The following TRPC6 variants were observed in gnomAD, a reference collection of about 807,000 sequenced individuals.
The protein encoded by TRPC6 is short transient receptor potential channel 6.
In TRPC6, 55 loss-of-function variants were observed where a neutral mutation model predicts 90.7. That is an observed-to-expected ratio of 0.61 (90% CI 0.49 to 0.76). The LOEUF (loss-of-function observed/expected upper bound fraction) is 0.76. Ranked by LOEUF, TRPC6 falls within the 30% of genes least tolerant of loss-of-function variation. TRPC6 has a pLI of 0.00. For missense variants in TRPC6, 989 were observed against 1,122.7 expected (o/e 0.88, Z 1.70); for synonymous variants, 393 against 393.0 (o/e 1.00, Z 0.00).
In TRPC6 at chr11:101,482,800, G is replaced by A. The variant is rs111504486; in HGVS notation, c.1510+149C>T. On this transcript the variant is annotated intron_variant, in intron 5 of 12. Transcript: ENST00000344327. ...CACTGATAATGAACCCAAGGCAACT[G>A]TACTTTAGGAACACAAAGAAAATTA... 6,464 of 843,260 alleles carry A rather than the reference G, an allele frequency of 7.7e-3. 40 individuals carry two copies. The highest frequency in any genetic ancestry group is 9.6e-3 in the Non-Finnish European group (4,998 of 520,602). The allele number at this position is 843,260 out of a possible 1,614,324, so 52.2% of individuals were successfully genotyped here. A position where few individuals can be genotyped will look rare whatever the true frequency, so the allele number is the denominator to read the frequency against.
intron 10 of TRPC6, among the ~76,000 whole-genome samples, chr11:101,460,351 C>T (rs1009999243): frequency 6.6e-6 from 1 of 152,142 alleles, no homozygotes; most frequent in Non-Finnish European, 1.5e-5. Context: ...CTCATAGCCA[C>T]TGGTATAACT....
chr11:101,494,552 G>T (rs1859899755), intron 2 of TRPC6, among the ~76,000 whole-genome samples: 1 of 152,114 alleles, frequency 6.6e-6, no homozygotes, highest in Non-Finnish European at 1.5e-5. Context: ...CTTGAATGTA[G>T]AGTTCAAGTA....
At chr11:101,478,519 A>G (rs1859467527) in intron 5 of TRPC6, among the ~76,000 whole-genome samples, 1 of 151,970 alleles carries the variant, frequency 6.6e-6, no homozygotes. Context: ...CTCTTTAAGA[A>G]ATAAATAGAA....
intron 2 of TRPC6, among the ~76,000 whole-genome samples, chr11:101,493,375 G>A (rs939180420): frequency 3.9e-5 from 6 of 152,134 alleles, no homozygotes; most frequent in Non-Finnish European, 7.4e-5. Flanking sequence ...GGTGTGGGTT[G>A]GACAAGCTTG....
chr11:101,490,731 C>T (rs930298129), intron 3 of TRPC6, among the ~76,000 whole-genome samples: 3 of 152,232 alleles, frequency 2.0e-5, no homozygotes, highest in Non-Finnish European at 4.4e-5. Flanking sequence ...GCTGGGATTA[C>T]AGGCATGAGC....
intron 9 of TRPC6, 53 bp downstream of exon 9, chr11:101,471,130 T>C: frequency 6.4e-7 from 1 of 1,572,632 alleles, no homozygotes; most frequent in South Asian, 1.1e-5. Flanking sequence ...GCATAGTGGT[T>C]ACAGTAGTCA....
At chr11:101,566,131 T>C (rs926001507) in intron 1 of TRPC6, among the ~76,000 whole-genome samples, 5 of 152,222 alleles carry the variant, frequency 3.3e-5, no homozygotes, top group African/African-American at 4.8e-5. Flanking sequence ...CTGAAAATGA[T>C]TGACCTCATT....
At chr11:101,501,923 A>G (rs1033944343) in intron 2 of TRPC6, among the ~76,000 whole-genome samples, 27 of 152,212 alleles carry the variant, frequency 1.8e-4, no homozygotes, top group African/African-American at 5.5e-4. Context: ...TTAGTAACAT[A>G]CTCCTAAATA....
chr11:101,577,603 G>C (rs1862098009), intron 1 of TRPC6, among the ~76,000 whole-genome samples: 1 of 152,144 alleles, frequency 6.6e-6, no homozygotes, highest in Admixed American at 6.5e-5. Context: ...GTCTGGGCTA[G>C]GACAAAGGAC....
chr11:101,514,022 G>A (rs754181501), intron 1 of TRPC6, among the ~76,000 whole-genome samples: 17 of 152,144 alleles, frequency 1.1e-4, no homozygotes, highest in Non-Finnish European at 2.4e-4. Context: ...ACATGGATAG[G>A]GAAATTGGCA....
At chr11:101,456,778 C>T (rs534595600) in intron 10 of TRPC6, among the ~76,000 whole-genome samples, 2 of 152,246 alleles carry the variant, frequency 1.3e-5, no homozygotes, top group African/African-American at 4.8e-5. Flanking sequence ...TGGCATAAAA[C>T]TAAATATAAA....
At chr11:101,520,950 G>T (rs567160769) in intron 1 of TRPC6, among the ~76,000 whole-genome samples, 7 of 152,262 alleles carry the variant, frequency 4.6e-5, no homozygotes, top group African/African-American at 1.7e-4. Flanking sequence ...GCAAAGGAAT[G>T]ATCTGAAACT....
At chr11:101,494,040 G>T (rs1859887237) in intron 2 of TRPC6, among the ~76,000 whole-genome samples, 1 of 152,144 alleles carries the variant, frequency 6.6e-6, no homozygotes, top group East Asian at 1.9e-4. Flanking sequence ...GTTGAGAATG[G>T]CTCAAACTAC....
intron 2 of TRPC6, among the ~76,000 whole-genome samples, chr11:101,499,452 T>C (rs1208584623): frequency 6.6e-6 from 1 of 151,436 alleles, no homozygotes; most frequent in African/African-American, 2.4e-5. Context: ...TACTACTATT[T>C]ATCCTTTTTT....
chr11:101,483,235 A>C (rs941159113), intron 4 of TRPC6, 70 bp from the exon 5 acceptor site: 2 of 1,466,118 alleles, frequency 1.4e-6, no homozygotes, highest in Non-Finnish European at 1.9e-6. Flanking sequence ...ACATACATAC[A>C]TGCAAGAATA....
At chr11:101,458,401 A>G (rs1321349724) in intron 10 of TRPC6, among the ~76,000 whole-genome samples, 3 of 152,188 alleles carry the variant, frequency 2.0e-5, no homozygotes, top group African/African-American at 7.2e-5. Flanking sequence ...ATGGTTTAAA[A>G]ACCTGCCCTA....
chr11:101,521,260 CCT>C (rs1860653200), intron 1 of TRPC6, among the ~76,000 whole-genome samples: 1 of 152,158 alleles, frequency 6.6e-6, no homozygotes, highest in Admixed American at 6.5e-5. Flanking sequence ...GACACTGCTC[CCT>C]GTTTCCCAGC....
intron 10 of TRPC6, among the ~76,000 whole-genome samples, chr11:101,461,150 TA>T (rs1283159734): frequency 2.6e-5 from 4 of 152,230 alleles, no homozygotes; most frequent in Non-Finnish European, 5.9e-5. Flanking sequence ...ATATATCCAC[TA>T]ACTAGGGAAG....
chr11:101,491,897 G>C (rs1859830442), intron 2 of TRPC6, among the ~76,000 whole-genome samples, 159 bp from the exon 3 acceptor site: 1 of 132,210 alleles, frequency 7.6e-6, no homozygotes, highest in Non-Finnish European at 1.5e-5. Context: ...CTGGAGTGCA[G>C]TGGCACAATC....
Sources: gnomAD v4.1 joint callset for allele counts (sites outside exome capture counted in the v4.1 genomes callset) on GRCh38, gnomAD v4.1.1 for gene constraint, MANE v1.5 for transcripts, NCBI Gene and HGNC (gene_info 2026-07-23, HGNC 2026-07-21) for gene names.